MBOAT7: variants seen among roughly 807,000 people sequenced by gnomAD.
The protein encoded by MBOAT7 is membrane-bound acylglycerophosphatidylinositol O-acyltransferase MBOAT7.
Under a neutral mutation model 47.4 loss-of-function variants are expected in MBOAT7, and 40 were observed. The observed-to-expected ratio is 0.84, with a 90% CI of 0.66 to 1.10. The LOEUF (loss-of-function observed/expected upper bound fraction) is 1.10, where lower values mean the gene tolerates loss of function less well. Among genes scored for constraint, MBOAT7 ranks in the 50% least tolerant of loss-of-function variants. MBOAT7 has a pLI of 0.00. For missense variants in MBOAT7, 680 were observed against 655.6 expected, an observed-to-expected ratio of 1.04 and a Z score of -0.41; for synonymous variants, 361 against 292.0, an observed-to-expected ratio of 1.24 and a Z score of -2.41.
Position 54,174,442 on chromosome 19 carries a change from G to C in MBOAT7, c.1032-11C>G, listed in dbSNP as rs532190393. The C allele has an allele frequency of 5.9e-6, 9 of 1,526,974 alleles. No homozygotes were observed. The highest frequency in any genetic ancestry group is 7.9e-6 in the Non-Finnish European group (9 of 1,138,408). 94.6% of individuals were successfully genotyped at this position (1,526,974 alleles called of 1,614,324 possible). ...ATGGTCCAGGCGCTCCTGAGGAGGA[G>C]GCTGGGAGTCAGGACCTACGAGTCC... On this transcript the variant is annotated splice_polypyrimidine_tract_variant and intron_variant, in intron 7 of 7. Transcript: ENST00000245615.
chr19:54,179,181 A>G, intron 6 of MBOAT7: 1 of 581,926 alleles, frequency 1.7e-6, no homozygotes, highest in South Asian at 2.2e-5. Context: ...TTCTTTTGGT[A>G]CCTAATGGGG....
intron 7 of MBOAT7, among the ~76,000 whole-genome samples, chr19:54,174,712 A>G: frequency 6.8e-6 from 1 of 146,114 alleles, no homozygotes; most frequent in East Asian, 2.3e-4. Flanking sequence ...CCTCCCTCAG[A>G]TCCAGGAGAC....
chr19:54,187,350 C>T, intron 3 of MBOAT7, 63 bp from the exon 4 acceptor site: 3 of 1,501,590 alleles, frequency 2.0e-6, no homozygotes, highest in Non-Finnish European at 1.8e-6. Flanking sequence ...CCACTCACTC[C>T]ACGAGTCCAG....
At chr19:54,175,184 T>C (rs529744997) in intron 7 of MBOAT7, among the ~76,000 whole-genome samples, 20 of 152,256 alleles carry the variant, frequency 1.3e-4, no homozygotes, top group South Asian at 1.0e-3. Flanking sequence ...TTCACCGTGT[T>C]AGCCAGGATG....
At chr19:54,186,302 A>AC (rs1413884149) in intron 4 of MBOAT7, among the ~76,000 whole-genome samples, 1 of 152,228 alleles carries the variant, frequency 6.6e-6, no homozygotes, top group African/African-American at 2.4e-5. Context: ...GGCGTGAGCT[A>AC]CTGTGCCCAG....
In MBOAT7 at chr19:54,188,464, G is replaced by A; in HGVS notation, c.45C>T (p.Ser15=). The A allele has an allele frequency of 1.3e-6, 2 of 1,556,802 alleles. No homozygotes were observed. The highest frequency in any genetic ancestry group is 8.7e-7 in the Non-Finnish European group (1 of 1,149,420). Residue 15 remains serine (S), a synonymous_variant, in exon 2 of 8, where the codon TCC becomes TCT. Transcript: ENST00000245615. ...TCTTAAAGAGGAAGCCGATGGGGAT[G>A]GAGATAAGAAGAACCACTAGATACG... ...EWTYLVVLLI[S]IPIGFLFKKA...
chr19:54,188,578 G>A, intron 1 of MBOAT7, 67 bp from the exon 2 acceptor site: 1 of 1,464,176 alleles, frequency 6.8e-7, no homozygotes, highest in Non-Finnish European at 9.3e-7. Flanking sequence ...CTCCCTCTTC[G>A]AGGATCCAGG....
rs1039861635 is a variant in MBOAT7 at position 54,173,436 on chromosome 19, G to T, written c.*608C>A. The T allele has an allele frequency of 4.6e-5, 13 of 282,766 alleles. No individual in the cohort carries two copies. The East Asian group carries it at 1.0e-3, about 22-fold the overall frequency. The allele number at this position is 282,766 out of a possible 1,614,324, so 17.5% of individuals were successfully genotyped here. ...ATGCCTTTGTGCAACACTTTATTGGGAAAGATTTACACACGGTGACCTGTC... is the reference window on the plus strand; with the variant it reads ...ATGCCTTTGTGCAACACTTTATTGGTAAAGATTTACACACGGTGACCTGTC... On this transcript the variant is annotated 3_prime_UTR_variant, in exon 8 of 8. Coordinates refer to ENST00000245615, the MANE Select transcript of MBOAT7 (RefSeq NM_024298.5).
Position 54,174,434 on chromosome 19 carries a change from G to A in MBOAT7, c.1032-3C>T. The A allele has an allele frequency of 1.3e-6, 2 of 1,538,320 alleles. No homozygotes were observed. Among genetic ancestry groups the A allele is most frequent in the Non-Finnish European group, 1.7e-6 (2 of 1,143,178 alleles). ...TCAGCAGCATGGTCCAGGCGCTCCT[G>A]AGGAGGAGGCTGGGAGTCAGGACCT... On this transcript the variant is annotated splice_region_variant and splice_polypyrimidine_tract_variant and intron_variant, in intron 7 of 7. Transcript: ENST00000245615.
At position 54,180,702 on chromosome 19, in the gene MBOAT7, G is replaced by A; in HGVS notation, c.854+71C>T. On this transcript the variant is annotated intron_variant, in intron 6 of 7. Coordinates refer to ENST00000245615, the MANE Select transcript of MBOAT7 (RefSeq NM_024298.5). This position sits in a 1 kb window ranked among gnomAD's most constrained non-coding sequence, Gnocchi z 5.2. The stretch of plus-strand genomic sequence containing the variant: ...CCCCTTGCTCCCCGCTCTCCTCCCG[G>A]CTAGGGGCAGAGCCAGCCCTTGGAG... The A allele has an allele frequency of 7.1e-7, 1 of 1,399,078 alleles. No homozygotes were observed. Among genetic ancestry groups the A allele is most frequent in the South Asian group, 1.5e-5 (1 of 67,112 alleles). 86.7% of individuals were successfully genotyped at this position (1,399,078 alleles called of 1,614,324 possible). A position where few individuals can be genotyped will look rare whatever the true frequency, so the allele number is the denominator to read the frequency against.
chr19:54,176,112 C>A (rs1295588278), intron 7 of MBOAT7, among the ~76,000 whole-genome samples: 1 of 152,076 alleles, frequency 6.6e-6, no homozygotes, highest in Non-Finnish European at 1.5e-5. Context: ...ACCTTGGCCT[C>A]CCAAAGTGCT....
chr19:54,174,274 A>G lies in MBOAT7; in HGVS notation c.1189T>C (p.Trp397Arg), dbSNP rs767496981. 46 of 1,612,036 alleles carry G rather than the reference A, an allele frequency of 2.9e-5. 1 individual carries two copies. The South Asian group carries it at 5.1e-4, about 18-fold the overall frequency. ...LSPGGQKAWD[W>R]VHWFLKMRAY... is the part of the protein sequence containing the mutation. The stretch of plus-strand genomic sequence containing the variant: ...CGCATCTTCAGGAACCAGTGCACCC[A>G]GTCCCAGGCCTTCTGGCCCCCTGGG... Residue 397 changes from tryptophan to arginine, a missense_variant, in exon 8 of 8, where the codon TGG (tryptophan) becomes CGG (arginine). Physicochemically the swap from Trp to Arg is moderately radical, Grantham distance 101. Coordinates refer to ENST00000245615, the MANE Select transcript of MBOAT7 (RefSeq NM_024298.5).
At chr19:54,188,672 C>T (rs1268743210) in intron 1 of MBOAT7, among the ~76,000 whole-genome samples, 161 bp from the exon 2 acceptor site, 1 of 152,088 alleles carries the variant, frequency 6.6e-6, no homozygotes, top group Non-Finnish European at 1.5e-5. Context: ...GCAACCCAGA[C>T]TCCAGCCCCT....
chr19:54,181,909 A>G (rs1305599152), intron 5 of MBOAT7, among the ~76,000 whole-genome samples: 62 of 1,804 alleles, frequency 0.034, no homozygotes, highest in Non-Finnish European at 0.041. Flanking sequence ...GAGGGAGGGA[A>G]GGAGGGAAGG....
intron 6 of MBOAT7, chr19:54,179,346 T>G: frequency 4.5e-6 from 1 of 223,280 alleles, no homozygotes; most frequent in Non-Finnish European, 8.9e-6. Flanking sequence ...TTATCATCCC[T>G]AATAACAAGG....
rs1291482075 is a variant in MBOAT7, at chr19:54,174,047, C to G, written c.1416G>C (p.Glu472Asp). The change falls in exon 8 of 8, where the codon GAG (glutamate) becomes GAC (aspartate). Residue 472 changes from glutamate to aspartate, a missense_variant. Glu to Asp is a conservative substitution (Grantham distance 45). Transcript: ENST00000245615. ...GCAGAGGGAGCGTCGTGACAGCTTA[C>G]TCCTCCCGGAGCTTCTCCGGGGCAA... The part of the protein sequence containing the change: ...TSLAPEKLRE[E>D] 6.3e-7 allele frequency: 1 copy of G among 1,586,210 alleles called. No homozygotes were observed. The highest frequency in any genetic ancestry group is 8.6e-7 in the Non-Finnish European group (1 of 1,169,166).
intron 7 of MBOAT7, among the ~76,000 whole-genome samples, chr19:54,177,943 C>T (rs1246050501): frequency 1.3e-4 from 14 of 111,070 alleles, no homozygotes; most frequent in Admixed American, 1.3e-4. Context: ...GACGGAGTCT[C>T]GCTGTCGCCC....
Position 54,183,594 on chromosome 19 carries a change from C to T in MBOAT7, c.420G>A (p.Leu140=), listed in dbSNP as rs774932717. The T allele has an allele frequency of 6.2e-7, 1 of 1,608,696 alleles. No individual in the cohort carries two copies. Among genetic ancestry groups the T allele is most frequent in the South Asian group, 1.1e-5 (1 of 89,992 alleles). The change falls in exon 5 of 8, where the codon CTG becomes CTA. Residue 140 remains leucine (L), a synonymous_variant. Transcript: ENST00000245615. ...MASGFSKGPT[L]GLLPDVPSLM... The stretch of plus-strand genomic sequence containing the variant: ...GGGAGGGCACGTCGGGCAGCAGCCC[C>T]AGGGTGGGCCCCTTGCTGAAGCCTG...
At chr19:54,181,506 C>T (rs943515248) in intron 5 of MBOAT7, among the ~76,000 whole-genome samples, 1 of 150,320 alleles carries the variant, frequency 6.7e-6, no homozygotes, top group African/African-American at 2.5e-5. Flanking sequence ...AAATAAAAAT[C>T]AGCCAGGTGT....
Sources: gnomAD v4.1 joint callset for allele counts (sites outside exome capture counted in the v4.1 genomes callset) on GRCh38, gnomAD v4.1.1 for gene constraint, Gnocchi (gnomAD v3.1) non-coding constraint, MANE v1.5 for transcripts, NCBI Gene and HGNC (gene_info 2026-07-23, HGNC 2026-07-21) for gene names.